The following ACTR3C variants were observed in gnomAD, a reference collection of about 807,000 sequenced individuals.
ACTR3C encodes the protein actin-related protein 3C.
ACTR3C carries 18 observed loss-of-function variants against 26.3 expected under a neutral mutation model. The observed-to-expected ratio is 0.68, with a 90% CI of 0.47 to 1.01. The LOEUF (loss-of-function observed/expected upper bound fraction) is 1.01. Ranked by LOEUF, ACTR3C falls within the 50% of genes least tolerant of loss-of-function variation. The pLI is 0.00. For missense variants in ACTR3C, 184 were observed against 250.7 expected (o/e 0.73, Z 1.80); for synonymous variants, 55 against 94.5 (o/e 0.58, Z 2.42).
chr7:149,909,125 C>T, the ACTR3C span, among the ~76,000 whole-genome samples: 203 of 151,636 alleles, frequency 1.3e-3, 2 homozygotes, highest in African/African-American at 4.5e-3. Flanking sequence ...GGGAAGACTC[C>T]TACAGGAAAT....
the ACTR3C span, among the ~76,000 whole-genome samples, chr7:150,201,327 T>C: frequency 6.6e-6 from 1 of 152,154 alleles, no homozygotes; most frequent in African/African-American, 2.4e-5. Context: ...CTCAACACAA[T>C]ACTGCTGCAA....
At chr7:150,085,102 A>G in the ACTR3C span, among the ~76,000 whole-genome samples, 9 of 152,142 alleles carry the variant, frequency 5.9e-5, no homozygotes, top group African/African-American at 1.7e-4. Context: ...GTGGAGGAGC[A>G]ATGGCCGTGG....
chr7:150,267,667 A>T (rs1302253144), intron 6 of ACTR3C, among the ~76,000 whole-genome samples: 1 of 152,244 alleles, frequency 6.6e-6, no homozygotes, highest in Admixed American at 6.5e-5. Context: ...TATCAAAAGT[A>T]TGTATGTACA....
chr7:149,909,064 G>A, the ACTR3C span, among the ~76,000 whole-genome samples: 2 of 151,402 alleles, frequency 1.3e-5, no homozygotes, highest in Admixed American at 1.3e-4. Flanking sequence ...TTACATGCGT[G>A]AGCCACCACG....
intron 1 of ACTR3C, among the ~76,000 whole-genome samples, chr7:150,312,176 T>C (rs1796387110): frequency 6.6e-6 from 1 of 152,218 alleles, no homozygotes; most frequent in African/African-American, 2.4e-5. Flanking sequence ...GCCAGTATTT[T>C]TCTTTCTCCT....
the ACTR3C span, among the ~76,000 whole-genome samples, chr7:150,112,521 C>T: frequency 1.3e-3 from 191 of 152,262 alleles, no homozygotes; most frequent in African/African-American, 4.3e-3. Context: ...CATTCAGACC[C>T]CCGGAGCTCC....
chr7:149,898,192 C>T, the ACTR3C span, among the ~76,000 whole-genome samples: 6 of 152,222 alleles, frequency 3.9e-5, no homozygotes, highest in East Asian at 3.9e-4. Flanking sequence ...TTGTGGGCCA[C>T]GACGACTGAG....
chr7:149,892,141 T>G, the ACTR3C span: 1 of 961,702 alleles, frequency 1.0e-6, no homozygotes, highest in Non-Finnish European at 1.5e-6. Flanking sequence ...CCACCTCTAT[T>G]CAAACATAAG....
chr7:150,210,132 C>A, the ACTR3C span, among the ~76,000 whole-genome samples: 5 of 151,848 alleles, frequency 3.3e-5, no homozygotes, highest in African/African-American at 1.2e-4. Context: ...TGCTTAACAT[C>A]ATCAGCCATT....
chr7:150,039,109 G>A, the ACTR3C span, among the ~76,000 whole-genome samples: 2 of 150,338 alleles, frequency 1.3e-5, no homozygotes, highest in Non-Finnish European at 3.0e-5. Flanking sequence ...CTCCAGGTGG[G>A]TCCTAAGGAT....
the ACTR3C span, among the ~76,000 whole-genome samples, chr7:149,997,271 T>C: frequency 6.6e-6 from 1 of 152,064 alleles, no homozygotes; most frequent in Non-Finnish European, 1.5e-5. Context: ...TGGGCAAATG[T>C]GAACTTTGCA....
intron 6 of ACTR3C, among the ~76,000 whole-genome samples, chr7:150,266,873 A>T (rs974476167): frequency 6.6e-6 from 1 of 152,242 alleles, no homozygotes; most frequent in Non-Finnish European, 1.5e-5. Context: ...ACCACACACC[A>T]AGTCTGGGTT....
At chr7:150,198,940 A>G in the ACTR3C span, among the ~76,000 whole-genome samples, 4 of 138,444 alleles carry the variant, frequency 2.9e-5, no homozygotes, top group East Asian at 2.2e-4. Context: ...TGGGGGGGTC[A>G]GCCCCCTGCC....
chr7:150,173,891 G>A, the ACTR3C span, among the ~76,000 whole-genome samples: 6 of 147,168 alleles, frequency 4.1e-5, no homozygotes, highest in Admixed American at 6.6e-5. Context: ...AACACAACAA[G>A]AGTCACCTTT....
the ACTR3C span, among the ~76,000 whole-genome samples, chr7:150,068,586 G>A: frequency 6.6e-6 from 1 of 150,480 alleles, no homozygotes; most frequent in Admixed American, 6.7e-5. Flanking sequence ...CATCCATCCT[G>A]GCTAACACGG....
chr7:150,007,686 G>C, the ACTR3C span, among the ~76,000 whole-genome samples: 1 of 151,886 alleles, frequency 6.6e-6, no homozygotes, highest in Non-Finnish European at 1.5e-5. Context: ...GGATGTTGTG[G>C]GTCACGGATG....
chr7:150,319,525 G>C (rs765461717), intron 1 of ACTR3C, among the ~76,000 whole-genome samples: 6 of 152,074 alleles, frequency 3.9e-5, no homozygotes, highest in Non-Finnish European at 5.9e-5. Flanking sequence ...ACTTCTTAAG[G>C]GTCTGTCTAG....
At chr7:150,273,722 CA>C (rs1226151934) in intron 6 of ACTR3C, among the ~76,000 whole-genome samples, 2 of 151,500 alleles carry the variant, frequency 1.3e-5, no homozygotes, top group South Asian at 2.1e-4. Context: ...AGACAGCAGA[CA>C]AAGGCCCCTC....
chr7:150,277,637 C>T (rs1489249490), intron 6 of ACTR3C, among the ~76,000 whole-genome samples: 2 of 152,124 alleles, frequency 1.3e-5, no homozygotes, highest in Non-Finnish European at 2.9e-5. Context: ...GCTCCTGTAT[C>T]TCCTGTCAGT....
Sources: gnomAD v4.1 joint callset for allele counts (sites outside exome capture counted in the v4.1 genomes callset) on GRCh38, gnomAD v4.1.1 for gene constraint, MANE v1.5 for transcripts, NCBI Gene and HGNC (gene_info 2026-07-23, HGNC 2026-07-21) for gene names.